The following SNX2 variants were observed in gnomAD, a reference collection of about 807,000 sequenced individuals.
SNX2 encodes the protein sorting nexin-2.
In SNX2, 25 loss-of-function variants were observed where a neutral mutation model predicts 69.9. The ratio of observed to expected loss-of-function variants is 0.36; its 90% CI spans 0.26 to 0.50. The LOEUF is 0.50. Among genes scored for constraint, SNX2 ranks in the 20% least tolerant of loss-of-function variants. The pLI is 0.97. For synonymous variants in SNX2, 229 were observed against 200.4 expected, an observed-to-expected ratio of 1.14 and a Z score of -1.20; for missense variants, 551 against 613.3, an observed-to-expected ratio of 0.90 and a Z score of 1.07.
Position 122,831,932 on chromosome 5 carries a change from T to C in SNX2, c.*2284T>C, listed in dbSNP as rs960821450. Among the ~76,000 whole-genome samples the C allele has an allele frequency of 6.6e-6, 1 of 152,218 alleles. No homozygotes were observed. The highest frequency in any genetic ancestry group is 2.4e-5 in the African/African-American group (1 of 41,458). ...ACTAAAAGATGAGTGTGCTGGAAAT[T>C]TCAAGTATTATATGAGCCTCTGATA... is the stretch of plus-strand genomic sequence containing the variant. On this transcript the variant is annotated 3_prime_UTR_variant, in exon 15 of 15. Transcript: ENST00000379516.
intron 6 of SNX2, among the ~76,000 whole-genome samples, chr5:122,804,661 G>A (rs1284706640): frequency 2.0e-5 from 3 of 151,962 alleles, no homozygotes; most frequent in South Asian, 2.1e-4. Context: ...CACTGTGCCC[G>A]GCCACATTTG....
rs897124746 is a variant in SNX2, at chr5:122,834,219, A to G, written c.*4571A>G. On this transcript the variant is annotated 3_prime_UTR_variant, in exon 15 of 15. Coordinates refer to ENST00000379516, the MANE Select transcript of SNX2 (RefSeq NM_003100.4). ...CTTCCAACTGTTGCTTCAGACGCTGATAAGATTGTAGAAGATAGGGAAGCT... is the reference window on the plus strand; with the variant it reads ...CTTCCAACTGTTGCTTCAGACGCTGGTAAGATTGTAGAAGATAGGGAAGCT... 3 of 152,212 alleles carry G rather than the reference A, an allele frequency of 2.0e-5. No individual in the cohort carries two copies. Among genetic ancestry groups the G allele is most frequent in the South Asian group, 2.1e-4 (1 of 4,836 alleles). The allele number at this position is 152,212 out of a possible 1,614,324, so 9.4% of individuals were successfully genotyped here.
chr5:122,781,836 T>G (rs1371018325), intron 1 of SNX2, among the ~76,000 whole-genome samples: 1 of 152,018 alleles, frequency 6.6e-6, no homozygotes, highest in East Asian at 1.9e-4. Flanking sequence ...GTAAAGATTA[T>G]ACATAATTTT....
At chr5:122,806,564 T>G (rs954587379) in intron 6 of SNX2, among the ~76,000 whole-genome samples, 1 of 151,886 alleles carries the variant, frequency 6.6e-6, no homozygotes, top group Non-Finnish European at 1.5e-5. Flanking sequence ...TTGAAAAGTA[T>G]TAAAAGTTAA....
chr5:122,805,027 C>T (rs1413082383), intron 6 of SNX2, among the ~76,000 whole-genome samples: 3 of 152,030 alleles, frequency 2.0e-5, no homozygotes, highest in Middle Eastern at 3.2e-3. Flanking sequence ...CATGGTGGCT[C>T]ATGCCTGTAA....
rs559259362 is a variant in SNX2, at chr5:122,780,952, A to G, written c.108+5741A>G. On this transcript the variant is annotated intron_variant, in intron 1 of 14. Transcript: ENST00000379516. ...TTGAAAATTTCATTACGAATTATCT[A>G]TGTTTCAGAGGGAAAAATTTGTGAA... is the stretch of plus-strand genomic sequence containing the variant. Among the ~76,000 whole-genome samples the G allele has an allele frequency of 7.2e-5, 11 of 152,278 alleles. 1 individual carries two copies. Among genetic ancestry groups the G allele is most frequent in the South Asian group, 2.1e-4 (1 of 4,828 alleles).
chr5:122,832,616 G>A lies in SNX2; in HGVS notation c.*2968G>A, dbSNP rs1005420935. ...TGGTTCAAAAGTAATTGCGTCCTTT[G>A]TCGTTATATAAATTGTTTTATAAAT... is the stretch of plus-strand genomic sequence containing the variant. On this transcript the variant is annotated 3_prime_UTR_variant, in exon 15 of 15. Transcript: ENST00000379516. The A allele has an allele frequency of 6.6e-6, 1 of 151,860 alleles. No homozygotes were observed. The highest frequency in any genetic ancestry group is 6.6e-5 in the Admixed American group (1 of 15,236). The allele number at this position is 151,860 out of a possible 1,614,324, so 9.4% of individuals were successfully genotyped here.
At chr5:122,778,471 C>G (rs1252871720) in intron 1 of SNX2, among the ~76,000 whole-genome samples, 1 of 152,064 alleles carries the variant, frequency 6.6e-6, no homozygotes, top group Non-Finnish European at 1.5e-5. Flanking sequence ...TTCTCCACAT[C>G]TTTGCTAGCA....
Position 122,819,037 on chromosome 5 carries a change from T to C in SNX2, c.1212+14T>C. On this transcript the variant is annotated intron_variant, in intron 11 of 14. Transcript: ENST00000379516. ...GCTGCAGTGAAAGTAAGCCCTTTCT[T>C]GCATGCTTCTCACTTGTGTCGTGTA... is the stretch of plus-strand genomic sequence containing the variant. 6.3e-7 allele frequency: 1 copy of C among 1,595,414 alleles called. No homozygotes were observed. The highest frequency in any genetic ancestry group is 8.6e-7 in the Non-Finnish European group (1 of 1,163,574).
intron 2 of SNX2, among the ~76,000 whole-genome samples, chr5:122,798,462 C>T (rs188811247): frequency 4.6e-5 from 7 of 152,216 alleles, no homozygotes; most frequent in Non-Finnish European, 1.0e-4. Context: ...AAAATGTTGA[C>T]GTGTATAACC....
At position 122,827,360 on chromosome 5, in the gene SNX2, ATTTC is replaced by A. The variant is rs759021225; in HGVS notation, c.1357-15_1357-12del. The A allele has an allele frequency of 6.2e-7, 1 of 1,601,400 alleles. No individual in the cohort carries two copies. The highest frequency in any genetic ancestry group is 1.3e-5 in the African/African-American group (1 of 74,618). On this transcript the variant is annotated splice_polypyrimidine_tract_variant and intron_variant, in intron 12 of 14. Transcript: ENST00000379516. ...CTTTTTTTTGAGATAAGCATAAAATATTTCTTTGTTTTTATTAGTGGGAGGCGAA... is the reference window on the plus strand; with the variant it reads ...CTTTTTTTTGAGATAAGCATAAAATATTTGTTTTTATTAGTGGGAGGCGAA...
chr5:122,812,857 A>T (rs577511595), intron 7 of SNX2, among the ~76,000 whole-genome samples: 2 of 152,206 alleles, frequency 1.3e-5, no homozygotes, highest in South Asian at 4.1e-4. Flanking sequence ...TTCTCCCATT[A>T]TGTGCATTTG....
At chr5:122,796,228 T>G (rs1581631242) in intron 2 of SNX2, among the ~76,000 whole-genome samples, 1 of 151,988 alleles carries the variant, frequency 6.6e-6, no homozygotes, top group African/African-American at 2.4e-5. Flanking sequence ...CCATCTCACA[T>G]GAAAAAGGAA....
At chr5:122,775,042 C>G (rs1752821962), upstream of SNX2, 6 of 1,469,620 alleles carry the variant, frequency 4.1e-6, no homozygotes, top group South Asian at 1.3e-5. Context: ...CGGGCCCAGC[C>G]GTGCGTGCTC....
chr5:122,827,456 T>G lies in SNX2; in HGVS notation c.1434T>G (p.Phe478Leu). 1 of 1,613,134 alleles carries G rather than the reference T, an allele frequency of 6.2e-7. No homozygotes were observed. Among genetic ancestry groups the G allele is most frequent in the Non-Finnish European group, 8.5e-7 (1 of 1,179,304 alleles). The change falls in exon 13 of 15, where the codon TTT (phenylalanine) becomes TTG (leucine). Residue 478 changes from phenylalanine (F) to leucine (L), a missense_variant. Physicochemically the swap from Phe to Leu is conservative, Grantham distance 22. This residue lies in a region of SNX2 where 360 missense variants were observed against 450.4 expected (regional missense o/e 0.80). Transcript: ENST00000379516. Reference sequence around the variant, plus strand: ...CGATTCGAAAAGAAGTGGGAAGATTTGAGGCATGTATAATAATTTTGCATT... The same window carrying G: ...CGATTCGAAAAGAAGTGGGAAGATTGGAGGCATGTATAATAATTTTGCATT... The part of the protein sequence containing the change: ...SKTIRKEVGR[F>L]EKERVKDFKT...
chr5:122,778,628 C>T (rs1471946336), intron 1 of SNX2, among the ~76,000 whole-genome samples: 1 of 152,158 alleles, frequency 6.6e-6, no homozygotes, highest in Non-Finnish European at 1.5e-5. Flanking sequence ...CCTGCCTCAG[C>T]CTCCTGAGTA....
intron 1 of SNX2, among the ~76,000 whole-genome samples, chr5:122,780,924 T>A (rs1014315203): frequency 3.9e-5 from 6 of 152,166 alleles, no homozygotes; most frequent in Non-Finnish European, 7.4e-5. Flanking sequence ...ATGTGTGAAT[T>A]TTTTGAAAAT....
chr5:122,808,425 G>A, intron 7 of SNX2, 70 bp downstream of exon 7: 1 of 1,125,490 alleles, frequency 8.9e-7, no homozygotes, highest in Non-Finnish European at 1.3e-6. Context: ...TCCATTATAT[G>A]GCAAAACTGT....
At chr5:122,804,299 A>G (rs1291410272) in intron 6 of SNX2, among the ~76,000 whole-genome samples, 3 of 152,066 alleles carry the variant, frequency 2.0e-5, no homozygotes, top group African/African-American at 4.8e-5. Context: ...CTTGGCTCAT[A>G]TAAGAGCTAT....
Sources: gnomAD v4.1 joint callset for allele counts (sites outside exome capture counted in the v4.1 genomes callset) on GRCh38, gnomAD v4.1.1 for gene constraint, gnomAD v4.1.1 regional missense constraint, MANE v1.5 for transcripts, NCBI Gene and HGNC (gene_info 2026-07-23, HGNC 2026-07-21) for gene names.